Variants in ANKRD36 observed in about 807,000 individuals in gnomAD.
ANKRD36 encodes ankyrin repeat domain 36.
Under a neutral mutation model 278.1 loss-of-function variants are expected in ANKRD36, and 179 were observed. The observed-to-expected ratio is 0.64, with a 90% confidence interval of 0.57 to 0.73. ANKRD36 has a LOEUF of 0.73. ANKRD36 is among the 30% of genes least tolerant of loss of function. ANKRD36 has a pLI of 0.00. For missense variants in ANKRD36, 1,159 were observed against 1,956.7 expected (o/e 0.59, Z 7.69); for synonymous variants, 320 against 641.1 (o/e 0.50, Z 7.57).
chr2:97,168,247 GTA>G (rs921359679), intron 22 of ANKRD36, among the ~76,000 whole-genome samples: 35 of 144,760 alleles, frequency 2.4e-4, no homozygotes, highest in African/African-American at 8.9e-4. Flanking sequence ...TTCTGCATGT[GTA>G]TGTGTGTGTG....
At chr2:97,219,577 G>A (rs1460697993) in intron 66 of ANKRD36, among the ~76,000 whole-genome samples, 18 of 148,534 alleles carry the variant, frequency 1.2e-4, no homozygotes, top group Non-Finnish European at 1.3e-4. Context: ...CACCTTCCTG[G>A]TTCAAGCAAT....
At chr2:97,162,507 CAA>C (rs1001663830) in intron 18 of ANKRD36, among the ~76,000 whole-genome samples, 1 of 146,918 alleles carries the variant, frequency 6.8e-6, no homozygotes, top group African/African-American at 2.5e-5. Flanking sequence ...AGTATATTTA[CAA>C]AAAAATGTGA....
At chr2:97,227,524 G>A (rs2070264910) in intron 67 of ANKRD36, among the ~76,000 whole-genome samples, 1 of 152,058 alleles carries the variant, frequency 6.6e-6, no homozygotes, top group Non-Finnish European at 1.5e-5. Context: ...GGAGATTTTG[G>A]GCTGAGACAA....
At chr2:97,180,125 T>C (rs527448384) in intron 24 of ANKRD36, among the ~76,000 whole-genome samples, 192 bp downstream of exon 24, 10 of 151,662 alleles carry the variant, frequency 6.6e-5, no homozygotes, top group Admixed American at 2.0e-4. Flanking sequence ...AGTAGTAAGA[T>C]TGTAGACTTC....
At chr2:97,128,697 C>T (rs1457941909) in intron 6 of ANKRD36, among the ~76,000 whole-genome samples, 1 of 151,760 alleles carries the variant, frequency 6.6e-6, no homozygotes, top group Admixed American at 6.6e-5. Flanking sequence ...ATTGTCAAAA[C>T]CTAAGGGTAA....
intron 75 of ANKRD36, among the ~76,000 whole-genome samples, chr2:97,260,359 TATATATATATATATATATATACACAC>T: frequency 8.0e-6 from 1 of 125,304 alleles, no homozygotes; most frequent in East Asian, 3.6e-4. Context: ...TATATATATA[TATATATATATATATATATATACACAC>T]ATATATACAT....
chr2:97,209,097 T>C (rs1182387590), intron 54 of ANKRD36, among the ~76,000 whole-genome samples: 2 of 146,558 alleles, frequency 1.4e-5, no homozygotes, highest in Non-Finnish European at 3.0e-5. Context: ...TTACACTACA[T>C]GGGTGTGAAA....
At chr2:97,190,648 C>G (rs541136082) in intron 34 of ANKRD36, among the ~76,000 whole-genome samples, 26 of 151,618 alleles carry the variant, frequency 1.7e-4, no homozygotes, top group South Asian at 1.5e-3. Flanking sequence ...CATTGATTCT[C>G]ACGTGTATGA....
chr2:97,124,504 T>A lies in ANKRD36; in HGVS notation c.638T>A (p.Val213Asp), dbSNP rs1431324712. Residue 213 changes from valine to aspartate, a missense_variant, in exon 5 of 76, where the codon GTC becomes GAC. Val to Asp is a radical substitution (Grantham distance 152). Transcript: ENST00000420699. Reference protein sequence around the residue: ...HAVTLGEKDIVILLLQHNIDV... With the variant: ...HAVTLGEKDIDILLLQHNIDV... The stretch of plus-strand genomic sequence containing the variant: ...GTTACTCTTGGAGAAAAAGATATAG[T>A]CATTCTTCTTCTGCAGCACAATATT... 1 of 1,552,232 alleles carries A rather than the reference T, an allele frequency of 6.4e-7. No homozygotes were observed. The highest frequency in any genetic ancestry group is 1.2e-5 in the South Asian group (1 of 84,004).
intron 67 of ANKRD36, among the ~76,000 whole-genome samples, chr2:97,228,214 C>T (rs2070600733): frequency 1.3e-5 from 2 of 152,102 alleles, no homozygotes; most frequent in African/African-American, 2.4e-5. Flanking sequence ...AGGAAGGGTA[C>T]CACTTCCTCC....
chr2:97,192,875 C>T lies in ANKRD36; in HGVS notation c.2365C>T (p.Pro789Ser), dbSNP rs746175356. ...KSGTVSSQKP[P>S]ALTATSDEEG... ...CTTTTCAGTGTCTTCTCAGAAACCACCAGCCTTGACGGTAATGAAACACTC... is the reference window on the plus strand; with the variant it reads ...CTTTTCAGTGTCTTCTCAGAAACCATCAGCCTTGACGGTAATGAAACACTC... Residue 789 changes from proline to serine, a missense_variant, in exon 37 of 76, where the codon CCA becomes TCA. Physicochemically the swap from Pro to Ser is moderately conservative, Grantham distance 74. Transcript: ENST00000420699. The T allele has an allele frequency of 2.5e-6, 4 of 1,603,696 alleles. No individual in the cohort carries two copies. The highest frequency in any genetic ancestry group is 1.7e-5 in the Admixed American group (1 of 59,630).
In ANKRD36 at chr2:97,163,445, C is replaced by G. The variant is rs533307062; in HGVS notation, c.1430-838C>G. 5 of 359,778 alleles carry G rather than the reference C, an allele frequency of 1.4e-5. No individual in the cohort carries two copies. The East Asian group carries it at 4.1e-4, about 30-fold the overall frequency. 22.3% of individuals were successfully genotyped at this position (359,778 alleles called of 1,614,324 possible). ...GGCAAGAGAACTAAAGTTGAGAATC[C>G]AGAAGTTGAAAATATCAGAAGCCTT... On this transcript the variant is annotated intron_variant, in intron 18 of 75. Transcript: ENST00000420699.
At chr2:97,201,486 G>A (rs1298607257) in intron 46 of ANKRD36, among the ~76,000 whole-genome samples, 2 of 151,936 alleles carry the variant, frequency 1.3e-5, no homozygotes, top group Admixed American at 6.6e-5. Context: ...GTGGAAATAT[G>A]TCAAAATTGA....
At position 97,217,220 on chromosome 2, in the gene ANKRD36, A is replaced by C; in HGVS notation, c.3702+15A>C. 7 of 1,550,934 alleles carry C rather than the reference A, an allele frequency of 4.5e-6. No individual in the cohort carries two copies. Among genetic ancestry groups the C allele is most frequent in the Non-Finnish European group, 6.1e-6 (7 of 1,148,914 alleles). Reference sequence around the variant, plus strand: ...CGGCCCAGAAGGTAGTTACTCTTTCATTTATATTTTGAATTATTTATTGCA... The same window carrying C: ...CGGCCCAGAAGGTAGTTACTCTTTCCTTTATATTTTGAATTATTTATTGCA... On this transcript the variant is annotated intron_variant, in intron 63 of 75. Transcript: ENST00000420699.
In ANKRD36 at chr2:97,124,579, T is replaced by C; in HGVS notation, c.713T>C (p.Ile238Thr). 3 of 1,552,206 alleles carry C rather than the reference T, an allele frequency of 1.9e-6. No individual in the cohort carries two copies. The stretch of plus-strand genomic sequence containing the variant: ...CGAAAGATTGCAGGAGATTATGCCA[T>C]TGAGGCTAAGAATAGAGTGTAAGTC... ...AFRKIAGDYA[I>T]EAKNRVIFDL... Residue 238 changes from isoleucine (I) to threonine (T), a missense_variant, in exon 5 of 76, where the codon ATT becomes ACT. Physicochemically the swap from Ile to Thr is moderately conservative, Grantham distance 89 (BLOSUM62 -1). Coordinates refer to ENST00000420699, the MANE Select transcript of ANKRD36 (RefSeq NM_001354587.1).
intron 42 of ANKRD36, among the ~76,000 whole-genome samples, chr2:97,197,731 T>G (rs1160068911): frequency 6.6e-6 from 1 of 151,902 alleles, no homozygotes; most frequent in African/African-American, 2.4e-5. Flanking sequence ...TTGTAGCTGT[T>G]TTACTTTGTA....
At chr2:97,221,737 A>C (rs934084999) in intron 66 of ANKRD36, among the ~76,000 whole-genome samples, 1 of 150,182 alleles carries the variant, frequency 6.7e-6, no homozygotes, top group African/African-American at 2.5e-5. Context: ...TTGCCTGTTC[A>C]CTCGGATGGT....
chr2:97,176,881 A>G (rs996982640), intron 22 of ANKRD36, among the ~76,000 whole-genome samples: 2 of 151,740 alleles, frequency 1.3e-5, no homozygotes, highest in Non-Finnish European at 2.9e-5. Flanking sequence ...TCCTTCACTT[A>G]TGAAGCTTAG....
rs557554508 is a variant in ANKRD36 at position 97,203,900 on chromosome 2, T to G, written c.2960-168T>G. ...TATTTCATGGAGCCTGTATTGCTTT[T>G]CTCAGCGTATTTCTGTCACGTTCTA... On this transcript the variant is annotated intron_variant, in intron 48 of 75. Coordinates refer to ENST00000420699, the MANE Select transcript of ANKRD36 (RefSeq NM_001354587.1). Among the ~76,000 whole-genome samples the G allele has an allele frequency of 2.0e-5, 3 of 151,992 alleles. No individual in the cohort carries two copies. The South Asian group carries it at 6.3e-4, about 32-fold the overall frequency.
Sources: gnomAD v4.1 joint callset for allele counts (sites outside exome capture counted in the v4.1 genomes callset) on GRCh38, gnomAD v4.1.1 for gene constraint, MANE v1.5 for transcripts, NCBI Gene and HGNC (gene_info 2026-07-23, HGNC 2026-07-21) for gene names.